ASAP1: variants seen among roughly 807,000 people sequenced by gnomAD.
The protein encoded by ASAP1 is ArfGAP with SH3 domain, ankyrin repeat and PH domain 1, also known as arf-GAP with SH3 domain, ANK repeat and PH domain-containing protein 1.
ASAP1 carries 43 observed loss-of-function variants against 145.2 expected under a neutral mutation model. The observed-to-expected ratio is 0.30, with a 90% CI of 0.23 to 0.38. ASAP1 has a LOEUF of 0.38. Ranked by LOEUF, ASAP1 falls within the 10% of genes least tolerant of loss-of-function variation. The probability of loss-of-function intolerance (pLI) is 1.00; values close to 1 mark genes in which losing one functional copy is unlikely to be tolerated. For synonymous variants in ASAP1, 546 were observed against 515.5 expected (o/e 1.06, Z -0.80); for missense variants, 1,018 against 1,355.3 (o/e 0.75, Z 3.91).
In ASAP1 at chr8:130,275,652, A is replaced by G. The variant is rs192940672; in HGVS notation, c.187-38658T>C. On this transcript the variant is annotated intron_variant, in intron 3 of 29. Transcript: ENST00000518721. ...AGTTAAAAAAAAAAACTATGTATAT[A>G]AAGATTCTTGCACAATTAGAGAAAC... is the stretch of plus-strand genomic sequence containing the variant. 5.3e-5 allele frequency among the ~76,000 whole-genome samples: 8 copies of G among 152,358 alleles called. No individual in the cohort carries two copies. In the East Asian group the frequency reaches 1.5e-3, roughly 29 times the overall value.
At chr8:130,255,992 A>G (rs1052245322) in intron 3 of ASAP1, among the ~76,000 whole-genome samples, 3 of 152,146 alleles carry the variant, frequency 2.0e-5, no homozygotes, top group Non-Finnish European at 4.4e-5. Flanking sequence ...CACCCTTTCA[A>G]ACAAAGCTCC....
chr8:130,092,560 G>C (rs116625646), intron 24 of ASAP1, among the ~76,000 whole-genome samples: 2 of 152,082 alleles, frequency 1.3e-5, no homozygotes, highest in Non-Finnish European at 1.5e-5. Context: ...TCAGGAGTTC[G>C]AGGATACACT....
At chr8:130,189,553 T>G (rs1814989499) in intron 5 of ASAP1, among the ~76,000 whole-genome samples, 1 of 152,248 alleles carries the variant, frequency 6.6e-6, no homozygotes. Context: ...TCTACTCAAC[T>G]GTTGATGGAC....
intron 27 of ASAP1, 36 bp from the exon 28 acceptor site, chr8:130,061,105 G>A: frequency 6.6e-7 from 1 of 1,517,716 alleles, no homozygotes. Context: ...GGTCATTGGT[G>A]GGAAGGGCTG....
intron 2 of ASAP1, chr8:130,386,855 A>AG (rs1196917428): frequency 6.6e-6 from 1 of 152,152 alleles, no homozygotes; most frequent in Non-Finnish European, 1.5e-5. Context: ...TCCACACTTC[A>AG]GCTTGGCAAG....
At chr8:130,217,561 G>T (rs1054614709) in intron 4 of ASAP1, among the ~76,000 whole-genome samples, 1 of 97,182 alleles carries the variant, frequency 1.0e-5, no homozygotes, top group Non-Finnish European at 2.5e-5. Flanking sequence ...CACACACACA[G>T]ATCTTTTCCT....
At chr8:130,404,548 T>C (rs1473434435) in intron 1 of ASAP1, among the ~76,000 whole-genome samples, 2 of 152,234 alleles carry the variant, frequency 1.3e-5, no homozygotes, top group African/African-American at 4.8e-5. Flanking sequence ...ATCTGTTACT[T>C]GCATACATAG....
At chr8:130,324,411 G>C (rs1824201209) in intron 3 of ASAP1, among the ~76,000 whole-genome samples, 1 of 152,184 alleles carries the variant, frequency 6.6e-6, no homozygotes, top group African/African-American at 2.4e-5. Context: ...TAACCAACTG[G>C]AGAGCTGTAT....
In ASAP1 at chr8:130,054,677, G is replaced by A; in HGVS notation, c.*54C>T. On this transcript the variant is annotated 3_prime_UTR_variant, in exon 30 of 30. Transcript: ENST00000518721. ...ATACACACTGTGCCCAGGGTTACAT[G>A]AAGGCAGCAGTCTTGCATGAAGGAT... 1 of 1,503,890 alleles carries A rather than the reference G, an allele frequency of 6.6e-7. No individual in the cohort carries two copies. Among genetic ancestry groups the A allele is most frequent in the Non-Finnish European group, 9.3e-7 (1 of 1,080,700 alleles). 93.2% of individuals were successfully genotyped at this position (1,503,890 alleles called of 1,614,324 possible).
In ASAP1 at chr8:130,358,687, G is replaced by T. The variant is rs1395752216; in HGVS notation, c.60-544C>A. Among the ~76,000 whole-genome samples, 1 of 140,796 alleles carries T rather than the reference G, an allele frequency of 7.1e-6. No individual in the cohort carries two copies. Among genetic ancestry groups the T allele is most frequent in the African/African-American group, 2.6e-5 (1 of 39,116 alleles). The allele number at this position is 140,796 out of a possible 152,430, so 92.4% of individuals were successfully genotyped here. A position where few individuals can be genotyped will look rare whatever the true frequency, so the allele number is the denominator to read the frequency against. On this transcript the variant is annotated intron_variant, in intron 2 of 29. Coordinates refer to ENST00000518721, the MANE Select transcript of ASAP1 (RefSeq NM_018482.4). The surrounding 1 kb of genome is among the most constrained non-coding windows in gnomAD (Gnocchi z 4.1). ...AGGAAGTGCTCTGCGCACGCGCGCC[G>T]CCCCCAGCCCCGCCCCCCCGGTCCC...
chr8:130,108,757 G>GTTTTTTTTTTTTTTTT (rs10568607), intron 24 of ASAP1, among the ~76,000 whole-genome samples: 2 of 51,524 alleles, frequency 3.9e-5, no homozygotes, highest in Admixed American at 3.5e-4. Flanking sequence ...TCAAAAACCA[G>GTTTTTTTTTTTTTTTT]TTTTTTTTTT....
intron 3 of ASAP1, among the ~76,000 whole-genome samples, chr8:130,257,632 G>C (rs1340051301): frequency 6.6e-6 from 1 of 152,082 alleles, no homozygotes; most frequent in Admixed American, 6.5e-5. Flanking sequence ...GCGAAAAAAA[G>C]GGATCTACAG....
At chr8:130,383,515 G>A (rs1316798798) in intron 2 of ASAP1, among the ~76,000 whole-genome samples, 1 of 152,146 alleles carries the variant, frequency 6.6e-6, no homozygotes, top group Non-Finnish European at 1.5e-5. Context: ...CCATGCACCA[G>A]GTACAGAGTG....
At chr8:130,375,662 G>A (rs1269444848) in intron 2 of ASAP1, among the ~76,000 whole-genome samples, 1 of 152,188 alleles carries the variant, frequency 6.6e-6, no homozygotes, top group East Asian at 1.9e-4. Flanking sequence ...GGAGGGCAAA[G>A]AAGGGAGTTC....
chr8:130,273,364 G>GC (rs1820695231), intron 3 of ASAP1, among the ~76,000 whole-genome samples: 1 of 152,142 alleles, frequency 6.6e-6, no homozygotes, highest in Admixed American at 6.6e-5. Flanking sequence ...CCCTCCCAAG[G>GC]CAGGGTCACG....
At chr8:130,287,023 G>C (rs560369534) in intron 3 of ASAP1, among the ~76,000 whole-genome samples, 1 of 152,304 alleles carries the variant, frequency 6.6e-6, no homozygotes, top group African/African-American at 2.4e-5. Context: ...TGGCCAAGGA[G>C]GGAGACCTTG....
chr8:130,075,804 C>T (rs2097461065), intron 27 of ASAP1, among the ~76,000 whole-genome samples: 1 of 152,200 alleles, frequency 6.6e-6, no homozygotes, highest in Admixed American at 6.5e-5. Context: ...ATAGACACTG[C>T]TTTCTTGTAC....
intron 27 of ASAP1, among the ~76,000 whole-genome samples, chr8:130,064,731 A>T (rs1299315378): frequency 6.6e-6 from 1 of 152,082 alleles, no homozygotes; most frequent in Non-Finnish European, 1.5e-5. Flanking sequence ...GTCCCCCAGA[A>T]TGTTCCCACC....
intron 15 of ASAP1, among the ~76,000 whole-genome samples, chr8:130,133,657 C>T (rs1264917272): frequency 4.1e-5 from 6 of 147,870 alleles, no homozygotes; most frequent in Non-Finnish European, 6.0e-5. Flanking sequence ...AGCGAGACTC[C>T]GTCTCAAAAA....
Sources: allele counts gnomAD v4.1 joint callset (sites outside exome capture counted in the v4.1 genomes callset), GRCh38; gene constraint gnomAD v4.1.1; non-coding constraint Gnocchi (gnomAD v3.1); transcripts MANE v1.5; gene names NCBI Gene and HGNC (gene_info 2026-07-23, HGNC 2026-07-21).